ASXL3: variants seen among roughly 807,000 people sequenced by gnomAD.
The protein encoded by ASXL3 is ASXL transcriptional regulator 3.
Under a neutral mutation model 170.6 loss-of-function variants are expected in ASXL3, and 34 were observed. That is an observed-to-expected ratio of 0.20 (90% CI 0.15 to 0.27). ASXL3 has a LOEUF of 0.27. Ranked by LOEUF, ASXL3 falls within the 10% of genes least tolerant of loss-of-function variation. ASXL3 has a pLI of 1.00. For missense variants in ASXL3, 2,592 were observed against 2,695.3 expected (o/e 0.96, Z 0.85); for synonymous variants, 1,002 against 989.1 (o/e 1.01, Z -0.24).
In ASXL3 at chr18:33,746,434, C is replaced by G. The variant is rs752151003; in HGVS notation, c.6586C>G (p.Pro2196Ala). Residue 2196 changes from proline (P) to alanine (A), a missense_variant, in exon 12 of 12, where the codon CCC (proline) becomes GCC (alanine). Transcript: ENST00000269197. ...CTTGTCTGGTCAGAACGCTCAGATG[C>G]CCGTTCAGAACTTTGCCGACAGCAG... ...TGLSGQNAQM[P>A]VQNFADSSNA... 2.2e-5 allele frequency: 36 copies of G among 1,613,890 alleles called. No homozygotes were observed. Among genetic ancestry groups the G allele is most frequent in the Non-Finnish European group, 2.9e-5 (34 of 1,179,884 alleles).
intron 1 of ASXL3, among the ~76,000 whole-genome samples, chr18:33,595,448 A>G (rs1296603457): frequency 6.6e-6 from 1 of 152,204 alleles, no homozygotes; most frequent in South Asian, 2.1e-4. Context: ...AAAATATCCT[A>G]TGAAAGGAAT....
At chr18:33,674,400 T>C (rs1431461575) in intron 7 of ASXL3, among the ~76,000 whole-genome samples, 1 of 152,192 alleles carries the variant, frequency 6.6e-6, no homozygotes, top group African/African-American at 2.4e-5. Context: ...ATAAGCCAGT[T>C]GAAGTACAAT....
chr18:33,706,779 T>C (rs1218686307), intron 8 of ASXL3, among the ~76,000 whole-genome samples: 1 of 151,884 alleles, frequency 6.6e-6, no homozygotes, highest in Non-Finnish European at 1.5e-5. Flanking sequence ...GGTTTGTCTT[T>C]TGATTCTCTA....
At chr18:33,722,171 G>A (rs1394131677) in intron 8 of ASXL3, among the ~76,000 whole-genome samples, 1 of 151,888 alleles carries the variant, frequency 6.6e-6, no homozygotes, top group Non-Finnish European at 1.5e-5. Context: ...TTAAAATTAG[G>A]CCAATTAATA....
At chr18:33,596,224 GTTCC>G (rs1177908655) in intron 1 of ASXL3, among the ~76,000 whole-genome samples, 6 of 152,124 alleles carry the variant, frequency 3.9e-5, no homozygotes, top group African/African-American at 1.4e-4. Flanking sequence ...ATATAGCTTA[GTTCC>G]TTCCTTTCAT....
At chr18:33,617,629 G>T (rs1348270639) in intron 2 of ASXL3, among the ~76,000 whole-genome samples, 1 of 152,102 alleles carries the variant, frequency 6.6e-6, no homozygotes, top group Non-Finnish European at 1.5e-5. Flanking sequence ...ACTAAGCTAT[G>T]CAATTATAGC....
At chr18:33,582,706 CTGTGTGTGTG>C (rs34434614) in intron 1 of ASXL3, among the ~76,000 whole-genome samples, 12 of 135,954 alleles carry the variant, frequency 8.8e-5, no homozygotes, top group Admixed American at 5.1e-4. Flanking sequence ...TGGTTTTTTT[CTGTGTGTGTG>C]TGTGTGTGTG....
At chr18:33,730,979 C>T (rs1264778623) in intron 8 of ASXL3, among the ~76,000 whole-genome samples, 2 of 152,110 alleles carry the variant, frequency 1.3e-5, no homozygotes, top group African/African-American at 2.4e-5. Flanking sequence ...AATGTCACAG[C>T]GTCAACAATA....
At chr18:33,675,691 G>GGA (rs2066413780) in intron 7 of ASXL3, among the ~76,000 whole-genome samples, 1 of 151,950 alleles carries the variant, frequency 6.6e-6, no homozygotes, top group Non-Finnish European at 1.5e-5. Flanking sequence ...TATTCACCCT[G>GGA]TGCAAGGCCT....
intron 8 of ASXL3, among the ~76,000 whole-genome samples, chr18:33,717,621 C>T (rs758425615): frequency 7.9e-5 from 12 of 152,102 alleles, no homozygotes; most frequent in Non-Finnish European, 1.8e-4. Context: ...ATCAAGCTCT[C>T]TTTCCACTGT....
At chr18:33,594,587 A>G (rs537500559) in intron 1 of ASXL3, among the ~76,000 whole-genome samples, 1 of 152,300 alleles carries the variant, frequency 6.6e-6, no homozygotes, top group East Asian at 1.9e-4. Context: ...CTTGCTTATA[A>G]ATATACCTTA....
At chr18:33,706,313 T>TC (rs1009978864) in intron 8 of ASXL3, among the ~76,000 whole-genome samples, 5 of 151,740 alleles carry the variant, frequency 3.3e-5, no homozygotes, top group Non-Finnish European at 7.4e-5. Context: ...CATGGACATT[T>TC]CAGTAGCTAT....
intron 7 of ASXL3, among the ~76,000 whole-genome samples, chr18:33,679,198 T>A (rs1364423570): frequency 1.3e-5 from 2 of 152,096 alleles, no homozygotes; most frequent in African/African-American, 2.4e-5. Flanking sequence ...ATTAAGCAAA[T>A]TTTTTTCTCT....
intron 2 of ASXL3, among the ~76,000 whole-genome samples, chr18:33,624,444 T>C (rs2065568009): frequency 6.6e-6 from 1 of 152,120 alleles, no homozygotes; most frequent in African/African-American, 2.4e-5. Flanking sequence ...TTTTTTGTTG[T>C]TGTTGTATTT....
At chr18:33,675,585 G>A (rs1009142586) in intron 7 of ASXL3, among the ~76,000 whole-genome samples, 4 of 152,124 alleles carry the variant, frequency 2.6e-5, no homozygotes, top group Non-Finnish European at 5.9e-5. Flanking sequence ...TTTTCTCATT[G>A]TGATATTTTC....
intron 2 of ASXL3, among the ~76,000 whole-genome samples, chr18:33,631,423 T>G (rs1273571953): frequency 6.6e-6 from 1 of 152,096 alleles, no homozygotes; most frequent in African/African-American, 2.4e-5. Flanking sequence ...TGATGCGTCT[T>G]GCTTATATAC....
At chr18:33,683,597 C>A (rs1441339459) in intron 8 of ASXL3, 29 bp downstream of exon 8, 3 of 1,581,400 alleles carry the variant, frequency 1.9e-6, no homozygotes, top group Non-Finnish European at 2.6e-6. Flanking sequence ...CATTTGATAC[C>A]AGCCACTAGT....
chr18:33,583,976 A>G (rs564317877), intron 1 of ASXL3, among the ~76,000 whole-genome samples: 1 of 152,316 alleles, frequency 6.6e-6, no homozygotes, highest in South Asian at 2.1e-4. Context: ...GGAACAAGAA[A>G]AAGTGGAGGA....
intron 4 of ASXL3, among the ~76,000 whole-genome samples, chr18:33,655,669 G>T (rs146094258): frequency 5.9e-5 from 9 of 152,078 alleles, no homozygotes; most frequent in Admixed American, 2.6e-4. Flanking sequence ...GTTTAATTGG[G>T]GTTAGATGGT....
Sources: gnomAD v4.1 joint callset for allele counts (sites outside exome capture counted in the v4.1 genomes callset) on GRCh38, gnomAD v4.1.1 for gene constraint, MANE v1.5 for transcripts, NCBI Gene and HGNC (gene_info 2026-07-23, HGNC 2026-07-21) for gene names.